SEC14L1: variants seen among roughly 807,000 people sequenced by gnomAD.
The protein encoded by SEC14L1 is SEC14-like protein 1.
In SEC14L1, 48 loss-of-function variants were observed where a neutral mutation model predicts 85.3. That is an observed-to-expected ratio of 0.56 (90% confidence interval 0.45 to 0.72). The LOEUF (loss-of-function observed/expected upper bound fraction) is 0.72, where lower values mean the gene tolerates loss of function less well. SEC14L1 is among the 30% of genes least tolerant of loss of function. SEC14L1 has a pLI of 0.00. For synonymous variants in SEC14L1, 391 were observed against 355.5 expected, an observed-to-expected ratio of 1.10 and a Z score of -1.12; for missense variants, 682 against 921.4, an observed-to-expected ratio of 0.74 and a Z score of 3.36.
At position 77,206,449 on chromosome 17, in the gene SEC14L1, A is replaced by C; in HGVS notation, c.1341+49A>C. 6.3e-7 allele frequency: 1 copy of C among 1,582,200 alleles called. No individual in the cohort carries two copies. ...TAACTGTGAGCCATTTGGAAAGCAG[A>C]TAACATGCATTCATATACACGTGTC... On this transcript the variant is annotated intron_variant, in intron 12 of 16. Transcript: ENST00000436233. This position sits in a 1 kb window ranked among gnomAD's most constrained non-coding sequence, Gnocchi z 4.3.
intron 13 of SEC14L1, among the ~76,000 whole-genome samples, chr17:77,208,456 T>C (rs1195161545): frequency 6.6e-6 from 1 of 152,186 alleles, no homozygotes; most frequent in African/African-American, 2.4e-5. Flanking sequence ...GTTTGTCACA[T>C]GCCGACCTCC....
At chr17:77,097,693 T>C (rs898020325) in intron 3 of SEC14L1, among the ~76,000 whole-genome samples, 1 of 152,220 alleles carries the variant, frequency 6.6e-6, no homozygotes, top group Non-Finnish European at 1.5e-5. Flanking sequence ...CTGTACGTTC[T>C]CTGGCTTATT....
At chr17:77,133,420 C>T (rs570841319) in intron 3 of SEC14L1, among the ~76,000 whole-genome samples, 3 of 152,348 alleles carry the variant, frequency 2.0e-5, no homozygotes, top group South Asian at 2.1e-4. Context: ...GCTGACACTG[C>T]GTCCTGAGGT....
chr17:77,174,350 G>A (rs1321279382), intron 3 of SEC14L1, among the ~76,000 whole-genome samples: 1 of 152,038 alleles, frequency 6.6e-6, no homozygotes, highest in African/African-American at 2.4e-5. Flanking sequence ...TGGTGGGTCG[G>A]TATGATCCCC....
intron 3 of SEC14L1, among the ~76,000 whole-genome samples, chr17:77,168,192 AAGG>A (rs1366146116): frequency 2.0e-5 from 3 of 152,206 alleles, no homozygotes; most frequent in African/African-American, 7.2e-5. Context: ...AAGGGAGTAT[AAGG>A]AGGTTGGGCT....
At chr17:77,185,103 G>A in intron 3 of SEC14L1, 1 of 520,868 alleles carries the variant, frequency 1.9e-6, no homozygotes, top group Non-Finnish European at 2.5e-6. Context: ...TTTTTATTGA[G>A]TAAGATTGTA....
At chr17:77,127,694 C>T (rs1359544506) in intron 3 of SEC14L1, among the ~76,000 whole-genome samples, 1 of 152,054 alleles carries the variant, frequency 6.6e-6, no homozygotes, top group Non-Finnish European at 1.5e-5. Flanking sequence ...GAATGTGGGT[C>T]CCCAAAAGAT....
chr17:77,197,330 G>A (rs1188794872), intron 8 of SEC14L1, among the ~76,000 whole-genome samples: 1 of 152,216 alleles, frequency 6.6e-6, no homozygotes, highest in Non-Finnish European at 1.5e-5. Flanking sequence ...CCTTGGCCTT[G>A]TTCTTTATTC....
At chr17:77,138,214 G>A (rs1972850975), upstream of SEC14L1, among the ~76,000 whole-genome samples, 2 of 152,166 alleles carry the variant, frequency 1.3e-5, no homozygotes, top group Non-Finnish European at 2.9e-5. Context: ...GATCTTAGGA[G>A]CAGTTTAGGG....
At chr17:77,184,679 G>A (rs949061559) in intron 3 of SEC14L1, among the ~76,000 whole-genome samples, 26 of 152,126 alleles carry the variant, frequency 1.7e-4, no homozygotes, top group Non-Finnish European at 7.3e-5. Context: ...GTAATCAACC[G>A]CACGGATTCC....
intron 3 of SEC14L1, among the ~76,000 whole-genome samples, chr17:77,147,031 G>T (rs141515039): frequency 1.3e-5 from 2 of 152,318 alleles, no homozygotes; most frequent in Non-Finnish European, 2.9e-5. Context: ...CGTAGCTTCC[G>T]CCGGCGGACT....
chr17:77,177,471 GT>G (rs1567911392), intron 3 of SEC14L1, among the ~76,000 whole-genome samples: 1 of 151,028 alleles, frequency 6.6e-6, no homozygotes, highest in East Asian at 1.9e-4. Context: ...AAGTTTCCAG[GT>G]AGTCTTGGCT....
intron 8 of SEC14L1, among the ~76,000 whole-genome samples, chr17:77,198,176 A>C (rs117188737): frequency 0.011 from 1,644 of 152,348 alleles, 25 homozygotes; most frequent in Middle Eastern, 0.014. Flanking sequence ...TAAGGCCAAA[A>C]ATATAAAGTA....
In SEC14L1 at chr17:77,206,897, C is replaced by T; in HGVS notation, c.1476+35C>T. The T allele has an allele frequency of 3.4e-6, 5 of 1,474,104 alleles. No individual in the cohort carries two copies. The highest frequency in any genetic ancestry group is 4.5e-6 in the Non-Finnish European group (5 of 1,109,068). The allele number at this position is 1,474,104 out of a possible 1,614,324, so 91.3% of individuals were successfully genotyped here. A position where few individuals can be genotyped will look rare whatever the true frequency, so the allele number is the denominator to read the frequency against. Reference sequence around the variant, plus strand: ...GAGGCGAGGAACTGCACATTTGGCCCCTTATGCAGGTGGGAGAGGTCGGTG... The same window carrying T: ...GAGGCGAGGAACTGCACATTTGGCCTCTTATGCAGGTGGGAGAGGTCGGTG... On this transcript the variant is annotated intron_variant, in intron 13 of 16. Coordinates refer to ENST00000436233, the MANE Select transcript of SEC14L1 (RefSeq NM_001143998.2). The surrounding 1 kb of genome is among the most constrained non-coding windows in gnomAD (Gnocchi z 4.3).
In SEC14L1 at chr17:77,215,705, G is replaced by A. The variant is rs111781778; in HGVS notation, c.*1682G>A. The stretch of plus-strand genomic sequence containing the variant: ...AGTGGTACCTGAAGCCTTTGCTTCC[G>A]GAAAGCGCGGTAGGGTTCGTAGGTA... On this transcript the variant is annotated 3_prime_UTR_variant, in exon 17 of 17. Transcript: ENST00000436233. The A allele has an allele frequency of 3.3e-4, 328 of 994,562 alleles. No individual in the cohort carries two copies. In the African/African-American group the frequency reaches 5.1e-3, roughly 15 times the overall value. The allele number at this position is 994,562 out of a possible 1,614,324, so 61.6% of individuals were successfully genotyped here. A position where few individuals can be genotyped will look rare whatever the true frequency, so the allele number is the denominator to read the frequency against.
At chr17:77,150,116 C>T (rs570061933) in intron 3 of SEC14L1, among the ~76,000 whole-genome samples, 2 of 152,326 alleles carry the variant, frequency 1.3e-5, no homozygotes, top group East Asian at 3.9e-4. Context: ...TCTCCTGCTC[C>T]TCTTGCTTTA....
chr17:77,180,036 ATGTTT>A (rs201838913), intron 3 of SEC14L1, among the ~76,000 whole-genome samples: 2,148 of 127,306 alleles, frequency 0.017, 33 homozygotes, highest in South Asian at 0.044. Flanking sequence ...TTTTGATGTT[ATGTTT>A]TGTTTTGTTA....
At chr17:77,187,123 T>C (rs1293706059) in intron 3 of SEC14L1, among the ~76,000 whole-genome samples, 1 of 152,122 alleles carries the variant, frequency 6.6e-6, no homozygotes, top group Non-Finnish European at 1.5e-5. Flanking sequence ...TTTGAGATGC[T>C]CAACCAGTAA....
At position 77,143,964 on chromosome 17, in the gene SEC14L1, CCTT is replaced by C. The variant is rs1973165348; in HGVS notation, c.63+307_63+309del. ...TTCCTCGGGGTTGTGCTCTTTTTTT[CCTT>C]CGTTAGAGTAGCAAAGGGACATGGA... On this transcript the variant is annotated intron_variant, in intron 3 of 16. Coordinates refer to ENST00000436233, the MANE Select transcript of SEC14L1 (RefSeq NM_001143998.2). 8 of 268,434 alleles carry C rather than the reference CCTT, an allele frequency of 3.0e-5. No individual in the cohort carries two copies. The South Asian group carries it at 3.8e-4, about 13-fold the overall frequency. The allele number at this position is 268,434 out of a possible 1,614,324, so 16.6% of individuals were successfully genotyped here. A position where few individuals can be genotyped will look rare whatever the true frequency, so the allele number is the denominator to read the frequency against.
Sources: allele counts gnomAD v4.1 joint callset (sites outside exome capture counted in the v4.1 genomes callset), GRCh38; gene constraint gnomAD v4.1.1; non-coding constraint Gnocchi (gnomAD v3.1); transcripts MANE v1.5; gene names NCBI Gene and HGNC (gene_info 2026-07-23, HGNC 2026-07-21).